Variants in LMO1 observed in about 807,000 individuals in gnomAD.
LMO1 encodes the protein LIM domain only 1.
A neutral mutation model predicts 18.0 loss-of-function variants in LMO1; 10 were observed. The ratio of observed to expected loss-of-function variants is 0.55; its 90% CI spans 0.34 to 0.94. The LOEUF (loss-of-function observed/expected upper bound fraction) is 0.94. Ranked by LOEUF, LMO1 falls within the 40% of genes least tolerant of loss-of-function variation. The pLI is 0.02. For missense variants in LMO1, 183 were observed against 205.7 expected, an observed-to-expected ratio of 0.89 and a Z score of 0.68; for synonymous variants, 77 against 77.9, an observed-to-expected ratio of 0.99 and a Z score of 0.06.
In LMO1 at chr11:8,224,442, C is replaced by A; in HGVS notation, c.*174G>T. On this transcript the variant is annotated 3_prime_UTR_variant, in exon 4 of 4. Transcript: ENST00000335790. The stretch of plus-strand genomic sequence containing the variant: ...GCCTGGCCCCAGGAGGGGTCACACA[C>A]AGACGGGCGGTGGTGGAGGAGGAAG... The A allele has an allele frequency of 1.7e-6, 1 of 591,386 alleles. No homozygotes were observed. The highest frequency in any genetic ancestry group is 2.8e-5 in the East Asian group (1 of 35,614). The allele number at this position is 591,386 out of a possible 1,614,324, so 36.6% of individuals were successfully genotyped here.
intron 3 of LMO1, 29 bp downstream of exon 3, chr11:8,226,946 T>G: frequency 1.9e-6 from 3 of 1,588,974 alleles, no homozygotes; most frequent in Non-Finnish European, 2.6e-6. Context: ...GTCTGGGGAG[T>G]GTGTTGGGTC....
Position 8,230,401 on chromosome 11 carries a change from G to A in LMO1, c.129C>T (p.Tyr43=). 1 of 1,614,064 alleles carries A rather than the reference G, an allele frequency of 6.2e-7. No homozygotes were observed. The highest frequency in any genetic ancestry group is 8.5e-7 in the Non-Finnish European group (1 of 1,179,886). The stretch of plus-strand genomic sequence containing the variant: ...CACACTTGAGGCAGTCTTCGTGCCA[G>A]TACTTGTCCAATGCCTTCAGCAGAT... The part of the protein sequence containing the change: ...DRYLLKALDK[Y]WHEDCLKCAC... The change falls in exon 2 of 4, where the codon TAC becomes TAT. Residue 43 remains tyrosine (Y), a synonymous_variant. Transcript: ENST00000335790.
chr11:8,246,795 T>G (rs1460935307), intron 1 of LMO1, among the ~76,000 whole-genome samples: 1 of 149,812 alleles, frequency 6.7e-6, no homozygotes, highest in Non-Finnish European at 1.5e-5. Context: ...GGGGTCAGCA[T>G]AGCGGGGGAA....
chr11:8,256,015 C>T (rs1196115334), intron 1 of LMO1, among the ~76,000 whole-genome samples: 4 of 151,722 alleles, frequency 2.6e-5, no homozygotes, highest in Admixed American at 6.6e-5. Context: ...TTGGTAGAGA[C>T]GGGGTTTCAC....
intron 1 of LMO1, among the ~76,000 whole-genome samples, chr11:8,258,730 C>T (rs1023351789): frequency 1.3e-5 from 2 of 152,282 alleles, no homozygotes; most frequent in South Asian, 2.1e-4. Flanking sequence ...GGATGAGAAG[C>T]GGGTCCCAGC....
chr11:8,257,550 G>A (rs1847118018), intron 1 of LMO1, among the ~76,000 whole-genome samples: 1 of 152,226 alleles, frequency 6.6e-6, no homozygotes, highest in African/African-American at 2.4e-5. Flanking sequence ...CTACCACCTA[G>A]CCTCATCACG....
intron 1 of LMO1, among the ~76,000 whole-genome samples, chr11:8,231,358 A>G (rs1952656580): frequency 6.6e-6 from 1 of 152,230 alleles, no homozygotes; most frequent in South Asian, 2.1e-4. Context: ...ATGTGCGCTC[A>G]CACACACCCC....
At chr11:8,238,321 A>G (rs1403193980) in intron 1 of LMO1, among the ~76,000 whole-genome samples, 1 of 152,236 alleles carries the variant, frequency 6.6e-6, no homozygotes, top group Non-Finnish European at 1.5e-5. Flanking sequence ...TACATACTGT[A>G]TAATTTCATT....
intron 1 of LMO1, among the ~76,000 whole-genome samples, chr11:8,251,088 A>G (rs1305912816): frequency 6.6e-6 from 1 of 152,026 alleles, no homozygotes; most frequent in East Asian, 1.9e-4. Flanking sequence ...AGAGAAAGAG[A>G]CCTCACTGGG....
At chr11:8,234,459 T>C (rs1952726251) in intron 1 of LMO1, among the ~76,000 whole-genome samples, 1 of 151,942 alleles carries the variant, frequency 6.6e-6, no homozygotes, top group Non-Finnish European at 1.5e-5. Context: ...CAGCTGCCCC[T>C]CAGCTCCAGC....
At chr11:8,241,065 T>C (rs1039520679) in intron 1 of LMO1, among the ~76,000 whole-genome samples, 1 of 152,216 alleles carries the variant, frequency 6.6e-6, no homozygotes, top group Admixed American at 6.5e-5. Flanking sequence ...TTCCATTCTT[T>C]GGTTGTCTCT....
chr11:8,251,277 A>T (rs1212310984), intron 1 of LMO1, among the ~76,000 whole-genome samples: 1 of 152,190 alleles, frequency 6.6e-6, no homozygotes, highest in African/African-American at 2.4e-5. Context: ...CAGAGCTGGG[A>T]TGTGGATGCA....
intron 1 of LMO1, among the ~76,000 whole-genome samples, chr11:8,247,423 A>C (rs1409040819): frequency 6.6e-6 from 1 of 152,214 alleles, no homozygotes; most frequent in Non-Finnish European, 1.5e-5. Flanking sequence ...TGCCCAGACT[A>C]GGGACAGCAC....
At chr11:8,231,924 T>C (rs1424156659) in intron 1 of LMO1, among the ~76,000 whole-genome samples, 1 of 152,158 alleles carries the variant, frequency 6.6e-6, no homozygotes, top group Non-Finnish European at 1.5e-5. Context: ...AATCCACAGA[T>C]GTAAGGTCAG....
chr11:8,259,823 G>A (rs1210208829), intron 1 of LMO1, among the ~76,000 whole-genome samples: 1 of 152,234 alleles, frequency 6.6e-6, no homozygotes, highest in African/African-American at 2.4e-5. Flanking sequence ...AACTGAGTCG[G>A]CTGTGGAATT....
intron 1 of LMO1, among the ~76,000 whole-genome samples, chr11:8,253,652 A>G (rs561668843): frequency 2.6e-5 from 4 of 152,230 alleles, no homozygotes; most frequent in Admixed American, 6.5e-5. Context: ...AGGGGAGAGG[A>G]CACGCAGGAT....
At chr11:8,227,831 T>A (rs1361966628) in intron 2 of LMO1, among the ~76,000 whole-genome samples, 4 of 152,146 alleles carry the variant, frequency 2.6e-5, no homozygotes, top group African/African-American at 9.7e-5. Flanking sequence ...TTACAGTGTT[T>A]ATTATTTGAT....
At chr11:8,244,105 A>G (rs12277079) in intron 1 of LMO1, among the ~76,000 whole-genome samples, 31,813 of 152,122 alleles carry the variant, frequency 0.21, 4,684 homozygotes, top group African/African-American at 0.41. Flanking sequence ...ACAACAGAAT[A>G]CAGCCACCGT....
upstream of LMO1, among the ~76,000 whole-genome samples, chr11:8,264,172 G>T (rs889541219): frequency 5.9e-5 from 9 of 151,710 alleles, no homozygotes; most frequent in African/African-American, 2.2e-4. Flanking sequence ...TTCTGCCCGG[G>T]GTTTCGTGTT....
Sources: allele counts gnomAD v4.1 joint callset (sites outside exome capture counted in the v4.1 genomes callset), GRCh38; gene constraint gnomAD v4.1.1; transcripts MANE v1.5; gene names NCBI Gene and HGNC (gene_info 2026-07-23, HGNC 2026-07-21).